TRPM3: variants seen among roughly 807,000 people sequenced by gnomAD.
TRPM3 encodes the protein long transient receptor potential channel 3.
Under a neutral mutation model 181.2 loss-of-function variants are expected in TRPM3, and 77 were observed. The observed-to-expected ratio is 0.42, with a 90% confidence interval of 0.35 to 0.51. TRPM3 has a LOEUF of 0.51. Ranked by LOEUF, TRPM3 falls within the 20% of genes least tolerant of loss-of-function variation. TRPM3 has a pLI of 0.01. For missense variants in TRPM3, 1,759 were observed against 2,196.7 expected (o/e 0.80, Z 3.98); for synonymous variants, 745 against 796.4 (o/e 0.94, Z 1.09).
intron 1 of TRPM3, among the ~76,000 whole-genome samples, chr9:70,960,361 C>A (rs1470677366): frequency 6.6e-6 from 1 of 152,104 alleles, no homozygotes. Flanking sequence ...GATAGTCCCT[C>A]CCATCCATGG....
chr9:70,554,490 C>T (rs1002692123), intron 22 of TRPM3, among the ~76,000 whole-genome samples: 5 of 152,124 alleles, frequency 3.3e-5, no homozygotes, highest in African/African-American at 7.2e-5. Flanking sequence ...CAAGAGTTTC[C>T]GTTGCTAGGC....
At chr9:71,210,796 G>C (rs553936001) in intron 1 of TRPM3, among the ~76,000 whole-genome samples, 3 of 152,184 alleles carry the variant, frequency 2.0e-5, no homozygotes, top group African/African-American at 7.2e-5. Context: ...GATGAAAAGG[G>C]AAAGTCTAAG....
intron 1 of TRPM3, chr9:70,917,301 T>C (rs1020851195): frequency 3.7e-6 from 5 of 1,348,232 alleles, no homozygotes; most frequent in Non-Finnish European, 5.3e-6. Flanking sequence ...AAGTGGTATA[T>C]TATTAATGGA....
At chr9:70,793,571 G>T (rs1314260059) in intron 6 of TRPM3, 2 of 467,744 alleles carry the variant, frequency 4.3e-6, no homozygotes, top group Non-Finnish European at 8.8e-6. Context: ...ACCCCTTTAT[G>T]TACTTTGCAT....
chr9:70,618,965 C>A lies in TRPM3; in HGVS notation c.2260G>T (p.Ala754Ser). 1 of 1,614,104 alleles carries A rather than the reference C, an allele frequency of 6.2e-7. No individual in the cohort carries two copies. Among genetic ancestry groups the A allele is most frequent in the Non-Finnish European group, 8.5e-7 (1 of 1,180,030 alleles). Residue 754 changes from alanine to serine, a missense_variant, in exon 17 of 26, where the codon GCC (alanine) becomes TCC (serine). Coordinates refer to ENST00000677713, the MANE Select transcript of TRPM3 (RefSeq NM_001366145.2). ...NATCLQLAVA[A>S]KHRDFIAHTC... is the part of the protein sequence containing the mutation. The stretch of plus-strand genomic sequence containing the variant: ...TGCGCGATGAAGTCGCGGTGTTTGG[C>A]AGCCACGGCAAGCTGCAGGCACGTG...
chr9:70,592,563 G>A (rs955324721), intron 21 of TRPM3, among the ~76,000 whole-genome samples: 3 of 152,186 alleles, frequency 2.0e-5, no homozygotes, highest in African/African-American at 7.2e-5. Context: ...CTAGGCTTAA[G>A]CTAGTTGGAG....
At chr9:70,597,565 G>A (rs935707509) in intron 21 of TRPM3, among the ~76,000 whole-genome samples, 3 of 152,156 alleles carry the variant, frequency 2.0e-5, no homozygotes, top group Non-Finnish European at 2.9e-5. Flanking sequence ...GTTTACTGAT[G>A]CATTCCCAGA....
intron 1 of TRPM3, among the ~76,000 whole-genome samples, chr9:71,414,443 A>AC (rs2093607626): frequency 6.6e-6 from 1 of 152,116 alleles, no homozygotes; most frequent in African/African-American, 2.4e-5. Context: ...TAGATGTGAT[A>AC]GAGAACTAAT....
At chr9:71,428,072 T>C (rs1208164613) in intron 1 of TRPM3, among the ~76,000 whole-genome samples, 1 of 151,992 alleles carries the variant, frequency 6.6e-6, no homozygotes. Context: ...CAGTAGCCTG[T>C]TTTTTTGTTG....
chr9:70,805,243 GGGGAGACAGA>G (rs2090384102), intron 6 of TRPM3, among the ~76,000 whole-genome samples: 1 of 151,016 alleles, frequency 6.6e-6, no homozygotes, highest in Admixed American at 6.6e-5. Flanking sequence ...GTGGTGGTGG[GGGGAGACAGA>G]GAGAGACAGA....
At chr9:71,202,556 T>C (rs1358021316) in intron 1 of TRPM3, among the ~76,000 whole-genome samples, 1 of 152,184 alleles carries the variant, frequency 6.6e-6, no homozygotes, top group Non-Finnish European at 1.5e-5. Context: ...TCCTGCCTTT[T>C]GGTTTATGTT....
At chr9:70,630,897 A>G (rs1026030014) in intron 12 of TRPM3, among the ~76,000 whole-genome samples, 1 of 152,180 alleles carries the variant, frequency 6.6e-6, no homozygotes, top group Non-Finnish European at 1.5e-5. Flanking sequence ...TTAAAAGCAT[A>G]GTTTAAATTC....
At chr9:71,113,901 G>T (rs952256471) in intron 1 of TRPM3, among the ~76,000 whole-genome samples, 3 of 152,180 alleles carry the variant, frequency 2.0e-5, no homozygotes, top group Non-Finnish European at 4.4e-5. Context: ...CATCTGGGTT[G>T]TTTGTGAAAT....
At chr9:71,086,490 C>G (rs961165698) in intron 1 of TRPM3, among the ~76,000 whole-genome samples, 1 of 151,916 alleles carries the variant, frequency 6.6e-6, no homozygotes, top group Non-Finnish European at 1.5e-5. Flanking sequence ...CATCACCAAC[C>G]AGCTGAAGAT....
chr9:71,065,929 G>A (rs2061862312), intron 1 of TRPM3, among the ~76,000 whole-genome samples: 2 of 152,086 alleles, frequency 1.3e-5, no homozygotes, highest in South Asian at 2.1e-4. Context: ...GATACTAAGA[G>A]AAGAGATCAA....
rs1414545853 is a variant in TRPM3 at position 71,282,249 on chromosome 9, AAG to A, written c.183+164402_183+164403del. 1.2e-4 allele frequency among the ~76,000 whole-genome samples: 12 copies of A among 103,426 alleles called. 4 individuals carry two copies. Among genetic ancestry groups the A allele is most frequent in the African/African-American group, 4.5e-4 (12 of 26,750 alleles). 67.9% of individuals were successfully genotyped at this position (103,426 alleles called of 152,430 possible). A position where few individuals can be genotyped will look rare whatever the true frequency, so the allele number is the denominator to read the frequency against. ...AGAAAGAAAAAGAAAGAATGAAAGA[AAG>A]AAAGAAAGGAAAGAAAGAGAGAAAG... On this transcript the variant is annotated intron_variant, in intron 1 of 24. Transcript: ENST00000357533.
chr9:70,873,573 T>G (rs2095825640), intron 1 of TRPM3, among the ~76,000 whole-genome samples: 1 of 152,008 alleles, frequency 6.6e-6, no homozygotes, highest in Non-Finnish European at 1.5e-5. Context: ...ATGTTGTCCC[T>G]TCATCTGAAA....
chr9:70,543,424 A>C (rs940486838), intron 25 of TRPM3, among the ~76,000 whole-genome samples: 3 of 152,238 alleles, frequency 2.0e-5, no homozygotes, highest in African/African-American at 7.2e-5. Context: ...GCTATCAAAC[A>C]GCAGATCTTA....
chr9:70,840,320 T>C (rs565569310), intron 5 of TRPM3, among the ~76,000 whole-genome samples: 1 of 152,208 alleles, frequency 6.6e-6, no homozygotes, highest in African/African-American at 2.4e-5. Flanking sequence ...GTGAAAGATT[T>C]ATGGAAAAAG....
Sources: gnomAD v4.1 joint callset for allele counts (sites outside exome capture counted in the v4.1 genomes callset) on GRCh38, gnomAD v4.1.1 for gene constraint, MANE v1.5 for transcripts, NCBI Gene and HGNC (gene_info 2026-07-23, HGNC 2026-07-21) for gene names.